GAS7: variants seen among roughly 807,000 people sequenced by gnomAD.
GAS7 encodes the protein growth arrest specific 7.
Under a neutral mutation model 71.1 loss-of-function variants are expected in GAS7, and 28 were observed. That is an observed-to-expected ratio of 0.39 (90% confidence interval 0.29 to 0.54). GAS7 has a LOEUF of 0.54. GAS7 is among the 20% of genes least tolerant of loss of function. The probability of loss-of-function intolerance (pLI) is 0.62; values close to 1 mark genes in which losing one functional copy is unlikely to be tolerated. For missense variants in GAS7, 436 were observed against 627.8 expected (o/e 0.69, Z 3.27); for synonymous variants, 258 against 245.8 (o/e 1.05, Z -0.46).
At chr17:10,012,901 G>A (rs1458724539) in intron 2 of GAS7, among the ~76,000 whole-genome samples, 1 of 151,874 alleles carries the variant, frequency 6.6e-6, no homozygotes, top group Non-Finnish European at 1.5e-5. Flanking sequence ...AGGAGATCGA[G>A]ACCATCCTGG....
chr17:10,141,259 C>T (rs768311831), intron 1 of GAS7, among the ~76,000 whole-genome samples: 2 of 152,214 alleles, frequency 1.3e-5, no homozygotes, highest in Non-Finnish European at 2.9e-5. Flanking sequence ...ACCATCCTGG[C>T]TAACACAGTG....
chr17:10,118,697 C>T (rs1435483630), intron 1 of GAS7, among the ~76,000 whole-genome samples: 5 of 92,150 alleles, frequency 5.4e-5, no homozygotes, highest in East Asian at 7.2e-4. Context: ...GAGTGAGACT[C>T]TGTCTCCAAA....
intron 1 of GAS7, among the ~76,000 whole-genome samples, chr17:10,192,807 G>C (rs1471549630): frequency 1.3e-5 from 2 of 152,144 alleles, no homozygotes; most frequent in African/African-American, 2.4e-5. Flanking sequence ...TCTAACACCA[G>C]GAGCTACAAA....
intron 1 of GAS7, among the ~76,000 whole-genome samples, chr17:10,194,357 A>G (rs1351885005): frequency 6.6e-6 from 1 of 152,210 alleles, no homozygotes; most frequent in Non-Finnish European, 1.5e-5. Context: ...CCATTCAAGG[A>G]AAGTACAGGC....
In GAS7 at chr17:10,032,638, C is replaced by T. The variant is rs76239291; in HGVS notation, c.184-12741G>A. ...TAAAACCACAAGGAAAATATCAAGG[C>T]AGTTAAATGTCCAGCTCAGCTTCCA... is the stretch of plus-strand genomic sequence containing the variant. On this transcript the variant is annotated intron_variant, in intron 1 of 13. Transcript: ENST00000432992. Among the ~76,000 whole-genome samples the T allele has an allele frequency of 1.1e-4, 17 of 152,296 alleles. No homozygotes were observed. In the East Asian group the frequency reaches 3.1e-3, roughly 28 times the overall value.
Position 9,981,812 on chromosome 17 carries a change from G to T in GAS7, c.377C>A (p.Pro126His). 1 of 1,580,576 alleles carries T rather than the reference G, an allele frequency of 6.3e-7. No individual in the cohort carries two copies. Among genetic ancestry groups the T allele is most frequent in the Non-Finnish European group, 8.7e-7 (1 of 1,149,506 alleles). ...ASPGSHRSSL[P>H]PTVNGYHASG... The stretch of plus-strand genomic sequence containing the variant: ...CAGACAGCGGACATTACCTGTTGGA[G>T]GCAGAGAGCTCCTGTGAGAGCCAGG... Residue 126 changes from proline to histidine, a missense_variant, in exon 3 of 14, where the codon CCT becomes CAT. Physicochemically the swap from Pro to His is moderately conservative, Grantham distance 77. Coordinates refer to ENST00000432992, the MANE Select transcript of GAS7 (RefSeq NM_201433.2). This position sits in a 1 kb window ranked among gnomAD's most constrained non-coding sequence, Gnocchi z 4.4.
intron 1 of GAS7, among the ~76,000 whole-genome samples, chr17:10,085,455 G>A (rs908087921): frequency 2.0e-5 from 3 of 152,042 alleles, no homozygotes; most frequent in East Asian, 1.9e-4. Context: ...AGGCCGAGGC[G>A]GGCGGATCAC....
chr17:10,086,869 G>A (rs2073525231), intron 1 of GAS7, among the ~76,000 whole-genome samples: 1 of 152,186 alleles, frequency 6.6e-6, no homozygotes, highest in East Asian at 1.9e-4. Flanking sequence ...AGGGAGCTGA[G>A]GTCAGGGCAG....
chr17:9,919,596 T>G lies in GAS7; in HGVS notation c.1218+30A>C, dbSNP rs1258969335. The G allele has an allele frequency of 2.0e-6, 3 of 1,520,340 alleles. No homozygotes were observed. The African/African-American group carries it at 4.1e-5, about 21-fold the overall frequency. The allele number at this position is 1,520,340 out of a possible 1,614,324, so 94.2% of individuals were successfully genotyped here. A position where few individuals can be genotyped will look rare whatever the true frequency, so the allele number is the denominator to read the frequency against. On this transcript the variant is annotated intron_variant, in intron 12 of 13. Coordinates refer to ENST00000432992, the MANE Select transcript of GAS7 (RefSeq NM_201433.2). This position sits in a 1 kb window ranked among gnomAD's most constrained non-coding sequence, Gnocchi z 5.0. ...GGCTGCTCTGTGTCAGCCTCTGTAC[T>G]GCCATGTCCACACATCCCTGCCCGC...
intron 1 of GAS7, among the ~76,000 whole-genome samples, chr17:10,121,884 C>T (rs1015228983): frequency 6.6e-6 from 1 of 152,280 alleles, no homozygotes; most frequent in South Asian, 2.1e-4. Context: ...ATGGAATGCA[C>T]CCCCTCCCAC....
intron 1 of GAS7, among the ~76,000 whole-genome samples, chr17:10,146,217 A>G (rs1274417433): frequency 6.6e-6 from 1 of 152,204 alleles, no homozygotes; most frequent in Non-Finnish European, 1.5e-5. Context: ...GCCCAAAACT[A>G]GTATTAAATT....
intron 9 of GAS7, among the ~76,000 whole-genome samples, chr17:9,927,306 C>T (rs1050375321): frequency 1.3e-5 from 2 of 148,502 alleles, no homozygotes; most frequent in African/African-American, 5.1e-5. Flanking sequence ...CACACACACA[C>T]ACACACACAC....
intron 3 of GAS7, among the ~76,000 whole-genome samples, chr17:9,978,013 C>T (rs974276052): frequency 6.6e-6 from 1 of 152,046 alleles, no homozygotes; most frequent in Non-Finnish European, 1.5e-5. Flanking sequence ...GAGTTTGAAA[C>T]CAGCCTGGGC....
chr17:10,067,098 C>T (rs1044202457), intron 1 of GAS7, among the ~76,000 whole-genome samples: 2 of 152,118 alleles, frequency 1.3e-5, no homozygotes, highest in African/African-American at 4.8e-5. Flanking sequence ...CTCCCAGCTC[C>T]ATGGTTCTGC....
At chr17:10,064,594 G>A (rs775722151) in intron 1 of GAS7, among the ~76,000 whole-genome samples, 2 of 152,198 alleles carry the variant, frequency 1.3e-5, no homozygotes, top group Admixed American at 1.3e-4. Flanking sequence ...GAATTACTGG[G>A]GAAAGATGTA....
At chr17:9,982,819 AGAAAG>A (rs1232817944) in intron 2 of GAS7, among the ~76,000 whole-genome samples, 76 of 94,422 alleles carry the variant, frequency 8.0e-4, no homozygotes, top group East Asian at 7.3e-3. Flanking sequence ...AAGAAAGGAA[AGAAAG>A]GAAAGAAAGA....
At chr17:9,957,405 G>A (rs2069289285) in intron 5 of GAS7, among the ~76,000 whole-genome samples, 1 of 152,192 alleles carries the variant, frequency 6.6e-6, no homozygotes, top group Non-Finnish European at 1.5e-5. Flanking sequence ...AGCCCCCTCC[G>A]GCCACACCCG....
intron 1 of GAS7, among the ~76,000 whole-genome samples, chr17:10,043,693 T>C (rs1026851277): frequency 1.4e-4 from 22 of 152,188 alleles, no homozygotes; most frequent in African/African-American, 1.4e-4. Flanking sequence ...AGTGGGAGGA[T>C]GGCTTGAGCC....
intron 1 of GAS7, among the ~76,000 whole-genome samples, chr17:10,194,740 G>A (rs755474868): frequency 2.1e-4 from 32 of 151,944 alleles, no homozygotes; most frequent in African/African-American, 7.3e-4. Context: ...TTGGGAGGCC[G>A]AGGCGGGTGG....
Sources: gnomAD v4.1 joint callset for allele counts (sites outside exome capture counted in the v4.1 genomes callset) on GRCh38, gnomAD v4.1.1 for gene constraint, Gnocchi (gnomAD v3.1) non-coding constraint, MANE v1.5 for transcripts, NCBI Gene and HGNC (gene_info 2026-07-23, HGNC 2026-07-21) for gene names.